The following SPON1 variants were observed in gnomAD, a reference collection of about 807,000 sequenced individuals.
SPON1 encodes spondin-1.
Under a neutral mutation model 111.7 loss-of-function variants are expected in SPON1, and 52 were observed. The observed-to-expected ratio is 0.47, with a 90% CI of 0.37 to 0.59. The LOEUF (loss-of-function observed/expected upper bound fraction) is 0.59. Among genes scored for constraint, SPON1 ranks in the 20% least tolerant of loss-of-function variants. The pLI is 0.00. For synonymous variants in SPON1, 410 were observed against 395.8 expected (o/e 1.04, Z -0.43); for missense variants, 957 against 1,068.5 (o/e 0.90, Z 1.46).
chr11:14,107,399 C>T (rs1314756731), intron 5 of SPON1, among the ~76,000 whole-genome samples: 3 of 152,014 alleles, frequency 2.0e-5, no homozygotes, highest in South Asian at 2.1e-4. Flanking sequence ...TACATCTGTC[C>T]GGCTGTCCGT....
chr11:14,169,142 T>G (rs929911121), intron 6 of SPON1, among the ~76,000 whole-genome samples: 13 of 152,224 alleles, frequency 8.5e-5, no homozygotes. Context: ...TTCCTATTTC[T>G]CCACGTCCTC....
At chr11:14,121,645 G>A (rs1847390317) in intron 5 of SPON1, among the ~76,000 whole-genome samples, 1 of 152,094 alleles carries the variant, frequency 6.6e-6, no homozygotes. Flanking sequence ...CTTCAGTGAA[G>A]AAGAGATTAA....
At chr11:14,011,070 G>A (rs935412931) in intron 2 of SPON1, among the ~76,000 whole-genome samples, 1 of 152,116 alleles carries the variant, frequency 6.6e-6, no homozygotes, top group African/African-American at 2.4e-5. Context: ...GGACAGACCA[G>A]AACCAAAATA....
chr11:14,244,739 C>A (rs1290663719), intron 7 of SPON1, among the ~76,000 whole-genome samples: 5 of 152,180 alleles, frequency 3.3e-5, no homozygotes, highest in African/African-American at 1.2e-4. Flanking sequence ...GGGAATAAGA[C>A]TCTGTCTCAA....
chr11:14,127,220 CT>C (rs1328769639), intron 5 of SPON1, among the ~76,000 whole-genome samples: 2 of 150,390 alleles, frequency 1.3e-5, no homozygotes, highest in Non-Finnish European at 2.9e-5. Flanking sequence ...GATGAAGAAA[CT>C]GAGATTGAGA....
At chr11:14,204,746 G>A (rs1482004768) in intron 6 of SPON1, among the ~76,000 whole-genome samples, 2 of 151,746 alleles carry the variant, frequency 1.3e-5, no homozygotes, top group Non-Finnish European at 2.9e-5. Context: ...GTGCAGTGGC[G>A]CAGTCTCGGC....
At chr11:14,093,187 G>T (rs1849072494) in intron 5 of SPON1, among the ~76,000 whole-genome samples, 1 of 152,246 alleles carries the variant, frequency 6.6e-6, no homozygotes, top group Non-Finnish European at 1.5e-5. Context: ...GCCAGCTCCT[G>T]CAATGTCTGT....
At position 14,259,065 on chromosome 11, in the gene SPON1, G is replaced by C. The variant is rs1043473239; in HGVS notation, c.1493-215G>C. 3.9e-5 allele frequency among the ~76,000 whole-genome samples: 6 copies of C among 152,210 alleles called. No homozygotes were observed. Among genetic ancestry groups the C allele is most frequent in the African/African-American group, 1.4e-4 (6 of 41,448 alleles). ...GCATCTTTCGAATGTATTTTCATGAGATAAAGAGTAATTCTGAGTGTCCCA... is the reference window on the plus strand; with the variant it reads ...GCATCTTTCGAATGTATTTTCATGACATAAAGAGTAATTCTGAGTGTCCCA... On this transcript the variant is annotated intron_variant, in intron 11 of 15. Coordinates refer to ENST00000576479, the MANE Select transcript of SPON1 (RefSeq NM_006108.4). The surrounding 1 kb of genome is among the most constrained non-coding windows in gnomAD (Gnocchi z 5.0).
At chr11:14,224,749 T>A (rs1263404931) in intron 6 of SPON1, 2 of 506,136 alleles carry the variant, frequency 4.0e-6, no homozygotes, top group Non-Finnish European at 7.9e-6. Flanking sequence ...GGTGAAAGAC[T>A]GAGGGAGATA....
At chr11:13,969,077 C>G (rs1591335446) in intron 1 of SPON1, among the ~76,000 whole-genome samples, 1 of 152,048 alleles carries the variant, frequency 6.6e-6, no homozygotes, top group East Asian at 1.9e-4. Flanking sequence ...ACTGATGTTC[C>G]TGCTAAGAAT....
intron 5 of SPON1, among the ~76,000 whole-genome samples, chr11:14,126,784 C>T (rs1847465026): frequency 1.3e-5 from 2 of 152,194 alleles, no homozygotes; most frequent in Non-Finnish European, 2.9e-5. Context: ...AACCTCGTCT[C>T]CTTTTTCCCA....
At chr11:14,187,151 G>C (rs961372606) in intron 6 of SPON1, among the ~76,000 whole-genome samples, 12 of 152,078 alleles carry the variant, frequency 7.9e-5, no homozygotes, top group African/African-American at 2.9e-4. Flanking sequence ...GAGATGCCAG[G>C]CTCTTTTAAA....
At chr11:14,031,435 C>T (rs571242936) in intron 2 of SPON1, among the ~76,000 whole-genome samples, 3 of 152,032 alleles carry the variant, frequency 2.0e-5, no homozygotes, top group Admixed American at 6.6e-5. Flanking sequence ...AGAAGAGAGG[C>T]CACTGACAAA....
intron 6 of SPON1, among the ~76,000 whole-genome samples, chr11:14,154,795 G>A (rs1041410509): frequency 3.9e-5 from 6 of 152,162 alleles, no homozygotes; most frequent in Non-Finnish European, 8.8e-5. Context: ...AAGTTTTAGT[G>A]TCAGGTCATT....
intron 2 of SPON1, among the ~76,000 whole-genome samples, chr11:14,009,710 C>T (rs1848389824): frequency 6.6e-6 from 1 of 152,182 alleles, no homozygotes; most frequent in Admixed American, 6.5e-5. Context: ...GGAGGCTGAG[C>T]AGTCCAAGAT....
At chr11:14,149,349 A>G (rs1847761335) in intron 6 of SPON1, among the ~76,000 whole-genome samples, 1 of 152,232 alleles carries the variant, frequency 6.6e-6, no homozygotes, top group Non-Finnish European at 1.5e-5. Context: ...CTGTAGAATA[A>G]GGATATAAAG....
chr11:14,226,633 G>A (rs1413528569), intron 6 of SPON1, among the ~76,000 whole-genome samples: 1 of 152,086 alleles, frequency 6.6e-6, no homozygotes, highest in African/African-American at 2.4e-5. Context: ...CTTAAGTCAG[G>A]GACTGTCTGC....
chr11:14,201,254 G>A (rs1458712102), intron 6 of SPON1, among the ~76,000 whole-genome samples: 2 of 150,384 alleles, frequency 1.3e-5, no homozygotes, highest in Admixed American at 6.6e-5. Context: ...GCAGGAGAAT[G>A]GCGTGAACCC....
intron 2 of SPON1, among the ~76,000 whole-genome samples, chr11:13,988,811 GT>G (rs1848205253): frequency 6.6e-6 from 1 of 152,126 alleles, no homozygotes; most frequent in Admixed American, 6.5e-5. Flanking sequence ...ATAATCTTGT[GT>G]TTTTTGTCAT....
Sources: gnomAD v4.1 joint callset for allele counts (sites outside exome capture counted in the v4.1 genomes callset) on GRCh38, gnomAD v4.1.1 for gene constraint, Gnocchi (gnomAD v3.1) non-coding constraint, MANE v1.5 for transcripts, NCBI Gene and HGNC (gene_info 2026-07-23, HGNC 2026-07-21) for gene names.